ABI3BP: variants seen among roughly 807,000 people sequenced by gnomAD.
ABI3BP encodes ABI family member 3 binding protein.
ABI3BP carries 216 observed loss-of-function variants against 268.6 expected under a neutral mutation model. That is an observed-to-expected ratio of 0.80 (90% CI 0.72 to 0.90). The LOEUF is 0.90. Among genes scored for constraint, ABI3BP ranks in the 40% least tolerant of loss-of-function variants. The pLI is 0.00. For synonymous variants in ABI3BP, 730 were observed against 730.0 expected (o/e 1.00, Z 0.00); for missense variants, 2,090 against 2,182.4 (o/e 0.96, Z 0.84).
chr3:100,781,117 G>T (rs1290726343), intron 57 of ABI3BP, among the ~76,000 whole-genome samples: 1 of 152,046 alleles, frequency 6.6e-6, no homozygotes, highest in Non-Finnish European at 1.5e-5. Context: ...TACATATTAA[G>T]AATAGGAATG....
chr3:100,916,940 A>G (rs2058781278), intron 2 of ABI3BP, among the ~76,000 whole-genome samples: 1 of 152,216 alleles, frequency 6.6e-6, no homozygotes, highest in African/African-American at 2.4e-5. Flanking sequence ...GTACTGTTGA[A>G]AGGGAGCACA....
chr3:100,987,118 T>G (rs1421315183), intron 1 of ABI3BP, among the ~76,000 whole-genome samples: 3 of 152,308 alleles, frequency 2.0e-5, no homozygotes, highest in African/African-American at 7.2e-5. Flanking sequence ...CTATTTACTT[T>G]CAATATTGTC....
intron 1 of ABI3BP, among the ~76,000 whole-genome samples, chr3:100,927,486 C>A (rs539341207): frequency 2.0e-5 from 2 of 100,246 alleles, no homozygotes; most frequent in Non-Finnish European, 1.9e-5. Context: ...TCTGAAACTG[C>A]GTAATTTATA....
At chr3:100,825,941 G>T (rs1342241065) in intron 34 of ABI3BP, 97 bp from the exon 35 acceptor site, 31 of 885,750 alleles carry the variant, frequency 3.5e-5, no homozygotes, top group Non-Finnish European at 5.5e-5. Flanking sequence ...ACTGCCTCTA[G>T]GATAATTAAA....
intron 46 of ABI3BP, among the ~76,000 whole-genome samples, 182 bp from the exon 47 acceptor site, chr3:100,811,981 G>A (rs1218465702): frequency 2.0e-5 from 3 of 152,132 alleles, no homozygotes; most frequent in African/African-American, 7.2e-5. Flanking sequence ...ATGAAAGCAG[G>A]AAATGAAGGC....
intron 63 of ABI3BP, among the ~76,000 whole-genome samples, chr3:100,759,031 GAAGTA>G (rs1431028195): frequency 2.0e-5 from 3 of 152,150 alleles, no homozygotes; most frequent in Non-Finnish European, 4.4e-5. Context: ...ATTTAGAACT[GAAGTA>G]AAGTTTTCAT....
intron 49 of ABI3BP, 112 bp from the exon 50 acceptor site, chr3:100,808,347 C>T: frequency 2.9e-6 from 2 of 678,678 alleles, no homozygotes; most frequent in South Asian, 5.5e-5. Flanking sequence ...AAATACTCAA[C>T]AATGAAGGCT....
chr3:100,929,933 G>C (rs2063083225), intron 1 of ABI3BP, among the ~76,000 whole-genome samples: 1 of 151,978 alleles, frequency 6.6e-6, no homozygotes, highest in Admixed American at 6.6e-5. Context: ...CGAATGTTTA[G>C]ATGTGTATTA....
At chr3:100,868,309 T>G (rs1275349638) in intron 9 of ABI3BP, among the ~76,000 whole-genome samples, 1 of 152,212 alleles carries the variant, frequency 6.6e-6, no homozygotes. Flanking sequence ...CCAATAGTGC[T>G]CTCACACACT....
chr3:100,984,240 G>A (rs1404058436), intron 1 of ABI3BP, among the ~76,000 whole-genome samples: 2 of 152,058 alleles, frequency 1.3e-5, no homozygotes, highest in East Asian at 3.8e-4. Flanking sequence ...CTATTCTCAT[G>A]TGCATCCAGG....
At chr3:100,975,407 G>C (rs2153905199) in intron 1 of ABI3BP, among the ~76,000 whole-genome samples, 1 of 152,162 alleles carries the variant, frequency 6.6e-6, no homozygotes, top group Non-Finnish European at 1.5e-5. Context: ...GCTGCCTTGG[G>C]GGAGATGGGC....
At chr3:100,946,655 G>C (rs1169791910) in intron 1 of ABI3BP, among the ~76,000 whole-genome samples, 1 of 151,838 alleles carries the variant, frequency 6.6e-6, no homozygotes, top group African/African-American at 2.4e-5. Context: ...GGGCGTGGTG[G>C]TGCATGCCTG....
intron 14 of ABI3BP, among the ~76,000 whole-genome samples, chr3:100,853,095 A>G (rs2098879581): frequency 6.6e-6 from 1 of 152,234 alleles, no homozygotes; most frequent in South Asian, 2.1e-4. Context: ...TTGAAGCTGT[A>G]AGAAAGATAG....
At chr3:100,896,632 C>T (rs2047838492) in intron 4 of ABI3BP, among the ~76,000 whole-genome samples, 1 of 152,166 alleles carries the variant, frequency 6.6e-6, no homozygotes, top group African/African-American at 2.4e-5. Context: ...TTCTCCCTTT[C>T]TCTCTCCATA....
At chr3:100,838,597 GA>G (rs1014101234) in intron 24 of ABI3BP, 133 bp from the exon 25 acceptor site, 1 of 747,412 alleles carries the variant, frequency 1.3e-6, no homozygotes, top group South Asian at 1.7e-5. Flanking sequence ...TGGGAAGGGT[GA>G]AAAGAGTGTC....
chr3:100,959,154 T>C (rs2077923735), intron 1 of ABI3BP, among the ~76,000 whole-genome samples: 1 of 150,820 alleles, frequency 6.6e-6, no homozygotes, highest in Non-Finnish European at 1.5e-5. Context: ...CCACAGAGAG[T>C]GAGAAACCCC....
intron 4 of ABI3BP, among the ~76,000 whole-genome samples, chr3:100,891,532 A>G (rs902900660): frequency 9.8e-5 from 15 of 152,324 alleles, no homozygotes; most frequent in African/African-American, 3.6e-4. Flanking sequence ...CAAGACTAAA[A>G]GCATTTAAGC....
At chr3:100,779,111 T>A (rs551722293) in intron 58 of ABI3BP, among the ~76,000 whole-genome samples, 3 of 152,236 alleles carry the variant, frequency 2.0e-5, no homozygotes, top group Non-Finnish European at 4.4e-5. Context: ...CTTTTGTGGG[T>A]GTTTTGATCC....
In ABI3BP at chr3:100,810,532, G is replaced by C; in HGVS notation, c.3542-55C>G. 2.4e-6 allele frequency: 3 copies of C among 1,263,342 alleles called. No individual in the cohort carries two copies. The South Asian group carries it at 4.0e-5, about 17-fold the overall frequency. 78.3% of individuals were successfully genotyped at this position (1,263,342 alleles called of 1,614,324 possible). ...TACTATAGCACTTGACAGACCTTGAGTACAGATAACAGACAGGATGGTAAC... is the reference window on the plus strand; with the variant it reads ...TACTATAGCACTTGACAGACCTTGACTACAGATAACAGACAGGATGGTAAC... On this transcript the variant is annotated intron_variant, in intron 48 of 67. Transcript: ENST00000471714.
Sources: allele counts gnomAD v4.1 joint callset (sites outside exome capture counted in the v4.1 genomes callset), GRCh38; gene constraint gnomAD v4.1.1; transcripts MANE v1.5; gene names NCBI Gene and HGNC (gene_info 2026-07-23, HGNC 2026-07-21).